FANCB: variants seen among roughly 807,000 people sequenced by gnomAD.
FANCB encodes the protein FA complementation group B.
In FANCB, 5 loss-of-function variants were observed where a neutral mutation model predicts 38.9. The ratio of observed to expected loss-of-function variants is 0.13; its 90% confidence interval spans 0.07 to 0.27. The LOEUF (loss-of-function observed/expected upper bound fraction) is 0.27. Ranked by LOEUF, FANCB falls within the 10% of genes least tolerant of loss-of-function variation. The probability of loss-of-function intolerance (pLI) is 1.00; values close to 1 mark genes in which losing one functional copy is unlikely to be tolerated. For synonymous variants in FANCB, 236 were observed against 215.4 expected (o/e 1.10, Z -0.84); for missense variants, 573 against 602.7 (o/e 0.95, Z 0.52).
rs2147424764 is a variant in FANCB, at chrX:14,857,868, T to C, written c.1191A>G (p.Gly397=). ...GAAGCAAACAGACACTAACTTTCAG[T>C]CCTGTTTCTAGAGGTGGAACCACCA... The part of the protein sequence containing the change: ...RYLVVPPLET[G]LKVCFSSFRE... The change falls in exon 5 of 10, where the codon GGA becomes GGG. Residue 397 remains glycine (G), a synonymous_variant. Coordinates refer to ENST00000650831, the MANE Select transcript of FANCB (RefSeq NM_001018113.3). 4 of 1,167,451 alleles carry C rather than the reference T, an allele frequency of 3.4e-6. No individual in the cohort carries two copies. Among genetic ancestry groups the C allele is most frequent in the Non-Finnish European group, 4.7e-6 (4 of 855,629 alleles).
the FANCB span, among the ~76,000 whole-genome samples, chrX:14,795,884 A>G: frequency 1.8e-5 from 2 of 111,953 alleles, no homozygotes; most frequent in African/African-American, 6.5e-5. Flanking sequence ...ATGGGACATG[A>G]GTATGAAACT....
chrX:14,871,297 C>T (rs1021672234), intron 1 of FANCB, among the ~76,000 whole-genome samples: 1 of 111,118 alleles, frequency 9.0e-6, no homozygotes, highest in African/African-American at 3.3e-5. Context: ...ATCCTGGTGA[C>T]AGTGTTAAAG....
At chrX:14,699,564 C>T in the FANCB span, among the ~76,000 whole-genome samples, 1 of 112,179 alleles carries the variant, frequency 8.9e-6, no homozygotes, top group Non-Finnish European at 1.9e-5. Context: ...TCATATGAAA[C>T]ACTTATTTCT....
At chrX:14,729,806 C>CTGAA in the FANCB span, among the ~76,000 whole-genome samples, 41 of 111,144 alleles carry the variant, frequency 3.7e-4, no homozygotes, top group Middle Eastern at 9.3e-3. Context: ...TAAATGTTTT[C>CTGAA]TGAATGAATG....
chrX:14,762,981 T>C, the FANCB span, among the ~76,000 whole-genome samples: 9 of 112,388 alleles, frequency 8.0e-5, no homozygotes, highest in South Asian at 3.3e-3. Flanking sequence ...CAGTGAGTAA[T>C]CTAGTACTGA....
chrX:14,844,008 T>G, intron 9 of FANCB, 27 bp from the exon 10 acceptor site: 1 of 1,174,025 alleles, frequency 8.5e-7, no homozygotes. Flanking sequence ...AACAAAATAT[T>G]ACAAAAATTA....
chrX:14,802,784 G>C, the FANCB span, among the ~76,000 whole-genome samples: 1 of 112,178 alleles, frequency 8.9e-6, no homozygotes, highest in Non-Finnish European at 1.9e-5. Context: ...TGGTGGACAG[G>C]AATATGGGAA....
the FANCB span, among the ~76,000 whole-genome samples, chrX:14,726,507 A>G: frequency 8.9e-6 from 1 of 112,582 alleles, no homozygotes; most frequent in African/African-American, 3.2e-5. Context: ...AGCTATAACT[A>G]TGCTCAGAAG....
At chrX:14,758,874 G>A in the FANCB span, among the ~76,000 whole-genome samples, 7 of 110,312 alleles carry the variant, frequency 6.3e-5, no homozygotes, top group East Asian at 5.7e-4. Flanking sequence ...AAATCAAGAC[G>A]AAATCTCTGA....
At chrX:14,864,384 A>G (rs189365896) in intron 3 of FANCB, among the ~76,000 whole-genome samples, 176 bp downstream of exon 3, 61 of 111,719 alleles carry the variant, frequency 5.5e-4, no homozygotes, top group African/African-American at 1.6e-3. Flanking sequence ...AAAAAACACC[A>G]TCAGGTTGTA....
chrX:14,826,045 C>T, the FANCB span, among the ~76,000 whole-genome samples: 1 of 112,109 alleles, frequency 8.9e-6, no homozygotes, highest in Non-Finnish European at 1.9e-5. Context: ...TGGCAAATGT[C>T]TTGAAAGGGA....
the FANCB span, among the ~76,000 whole-genome samples, chrX:14,827,321 G>C: frequency 6.3e-5 from 7 of 111,651 alleles, no homozygotes; most frequent in East Asian, 2.0e-3. Context: ...AACATAGAGA[G>C]AATTGACAGT....
the FANCB span, chrX:14,690,707 C>T: frequency 8.6e-7 from 1 of 1,156,857 alleles, no homozygotes; most frequent in Non-Finnish European, 1.2e-6. Context: ...CTCTCTCTCT[C>T]AGGTCTCCTA....
chrX:14,726,262 A>G, the FANCB span, among the ~76,000 whole-genome samples: 5 of 112,175 alleles, frequency 4.5e-5, no homozygotes, highest in East Asian at 8.4e-4. Context: ...GTCATTTATT[A>G]TAACACAAAA....
chrX:14,802,474 C>A, the FANCB span, among the ~76,000 whole-genome samples: 1 of 111,392 alleles, frequency 9.0e-6, no homozygotes, highest in Non-Finnish European at 1.9e-5. Flanking sequence ...ACTGAGGGGT[C>A]TAAACTTCTA....
At chrX:14,730,162 T>TTGAC in the FANCB span, 1 of 1,040,252 alleles carries the variant, frequency 9.6e-7, no homozygotes, top group Non-Finnish European at 1.3e-6. Context: ...TCCATCTAAC[T>TTGAC]TGACTGACAA....
At chrX:14,835,024 A>G (rs2092337499), downstream of FANCB, 1 of 591,016 alleles carries the variant, frequency 1.7e-6, no homozygotes, top group Non-Finnish European at 2.9e-6. Flanking sequence ...TTCAACTGTA[A>G]GAGCGCTGGT....
the FANCB span, among the ~76,000 whole-genome samples, chrX:14,818,737 T>C: frequency 8.9e-6 from 1 of 112,096 alleles, no homozygotes; most frequent in South Asian, 3.7e-4. Context: ...ATTCAGTATA[T>C]CCAAAATGCT....
At chrX:14,812,060 G>A in the FANCB span, among the ~76,000 whole-genome samples, 136 of 111,287 alleles carry the variant, frequency 1.2e-3, 1 homozygote, top group Admixed American at 3.8e-3. Flanking sequence ...GCTCCTGAAT[G>A]ACTACTGGGT....
Sources: gnomAD v4.1 joint callset for allele counts (sites outside exome capture counted in the v4.1 genomes callset) on GRCh38, gnomAD v4.1.1 for gene constraint, MANE v1.5 for transcripts, NCBI Gene and HGNC (gene_info 2026-07-23, HGNC 2026-07-21) for gene names.